Variants in TLN2 observed in about 807,000 individuals in gnomAD.
TLN2 encodes talin 2, also known as talin-2.
In TLN2, 118 loss-of-function variants were observed where a neutral mutation model predicts 294.7. That is an observed-to-expected ratio of 0.40 (90% CI 0.34 to 0.47). The LOEUF (loss-of-function observed/expected upper bound fraction) is 0.47, where lower values mean the gene tolerates loss of function less well. TLN2 is among the 20% of genes least tolerant of loss of function. TLN2 has a pLI of 0.84. For synonymous variants in TLN2, 1,431 were observed against 1,304.5 expected, an observed-to-expected ratio of 1.10 and a Z score of -2.09; for missense variants, 3,083 against 3,282.2, an observed-to-expected ratio of 0.94 and a Z score of 1.48.
intron 28 of TLN2, among the ~76,000 whole-genome samples, chr15:62,731,639 G>C (rs979311060): frequency 6.6e-6 from 1 of 152,118 alleles, no homozygotes; most frequent in Non-Finnish European, 1.5e-5. Flanking sequence ...AGCCCCATGA[G>C]ATATCAAGAA....
intron 58 of TLN2, among the ~76,000 whole-genome samples, chr15:62,839,855 C>A (rs1045567323): frequency 6.6e-6 from 1 of 152,192 alleles, no homozygotes; most frequent in African/African-American, 2.4e-5. Flanking sequence ...ATTCAATAAC[C>A]CTGCCCTGGT....
chr15:62,515,814 A>C (rs1256846059), intron 1 of TLN2, among the ~76,000 whole-genome samples: 1 of 152,208 alleles, frequency 6.6e-6, no homozygotes, highest in Admixed American at 6.5e-5. Flanking sequence ...AGTATAAATA[A>C]ATCCAGCAGA....
chr15:62,712,038 C>G lies in TLN2; in HGVS notation c.2595C>G (p.Leu865=), dbSNP rs764043416. ...NSKKLLAAAK[L]LADSTARMVE... ...AGAAGCTCCTGGCAGCAGCAAAACT[C>G]TTAGCTGACTCCACTGCTCGCATGG... The change falls in exon 22 of 59, where the codon CTC becomes CTG. Residue 865 remains leucine, a synonymous_variant. Transcript: ENST00000636159. 5 of 1,614,212 alleles carry G rather than the reference C, an allele frequency of 3.1e-6. No individual in the cohort carries two copies. The highest frequency in any genetic ancestry group is 4.2e-6 in the Non-Finnish European group (5 of 1,180,030).
intron 1 of TLN2, among the ~76,000 whole-genome samples, chr15:62,550,392 G>C (rs1347506859): frequency 6.6e-6 from 1 of 152,180 alleles, no homozygotes. Flanking sequence ...TTCTTAGTCT[G>C]CAAGTCGGCC....
chr15:62,681,730 G>A (rs1401596999), intron 11 of TLN2, among the ~76,000 whole-genome samples: 2 of 152,076 alleles, frequency 1.3e-5, no homozygotes, highest in African/African-American at 2.4e-5. Flanking sequence ...ACGAGTAAGC[G>A]AGCTAATGTA....
chr15:62,590,876 G>A (rs1446163167), intron 2 of TLN2, among the ~76,000 whole-genome samples: 4 of 151,314 alleles, frequency 2.6e-5, no homozygotes, highest in Non-Finnish European at 5.9e-5. Flanking sequence ...GTTAATCTTT[G>A]TTTCCTTCTC....
At chr15:62,413,415 A>T (rs1000558832) in intron 1 of TLN2, among the ~76,000 whole-genome samples, 1 of 152,184 alleles carries the variant, frequency 6.6e-6, no homozygotes, top group Non-Finnish European at 1.5e-5. Flanking sequence ...AGTGAGTTTT[A>T]TTGCTAGTCC....
intron 32 of TLN2, among the ~76,000 whole-genome samples, chr15:62,744,758 G>T (rs1325786795): frequency 6.6e-6 from 1 of 152,216 alleles, no homozygotes; most frequent in Admixed American, 6.5e-5. Flanking sequence ...TGTTGGCCAG[G>T]CTGGTCTCAA....
intron 9 of TLN2, among the ~76,000 whole-genome samples, chr15:62,663,486 G>T (rs1320190): frequency 0.82 from 125,020 of 151,624 alleles, 54,184 homozygotes; most frequent in East Asian, 0.96. Flanking sequence ...TGAACAAACT[G>T]TCATTAGTTG....
chr15:62,404,830 G>A (rs2033289451), intron 1 of TLN2, among the ~76,000 whole-genome samples: 1 of 152,110 alleles, frequency 6.6e-6, no homozygotes. Context: ...CTCCCTGATG[G>A]AGTTAAAGGA....
intron 1 of TLN2, among the ~76,000 whole-genome samples, chr15:62,460,616 G>A (rs1306945179): frequency 6.6e-6 from 1 of 152,144 alleles, no homozygotes; most frequent in East Asian, 1.9e-4. Context: ...CTCATCCAAG[G>A]GAAGCTCTAT....
At chr15:62,597,785 A>G (rs181055323) in intron 2 of TLN2, among the ~76,000 whole-genome samples, 1 of 152,286 alleles carries the variant, frequency 6.6e-6, no homozygotes, top group Non-Finnish European at 1.5e-5. Flanking sequence ...CATGAAGTTT[A>G]TTTATGTTTT....
intron 1 of TLN2, among the ~76,000 whole-genome samples, chr15:62,450,960 G>C (rs2036102457): frequency 6.7e-6 from 1 of 148,544 alleles, no homozygotes; most frequent in South Asian, 2.1e-4. Context: ...CTTTACAGTT[G>C]CCTGGAGTTC....
rs187235544 is a variant in TLN2, at chr15:62,459,635, T to A, written c.-238+68950T>A. Among the ~76,000 whole-genome samples, 26 of 152,264 alleles carry A rather than the reference T, an allele frequency of 1.7e-4. No individual in the cohort carries two copies. In the East Asian group the frequency reaches 3.1e-3, roughly 18 times the overall value. On this transcript the variant is annotated intron_variant, in intron 1 of 58. Coordinates refer to ENST00000636159, the MANE Select transcript of TLN2 (RefSeq NM_015059.3). ...CAGGTTGACAACATCCAACCAACAC[T>A]TGTTTGGGCCCTTTAGTGCAAAAGA...
chr15:62,738,399 C>G (rs913464951), intron 30 of TLN2, 66 bp downstream of exon 30: 2 of 1,546,966 alleles, frequency 1.3e-6, no homozygotes, highest in Admixed American at 1.8e-5. Context: ...TGAGTGAAGT[C>G]TTCTTCTCTC....
intron 45 of TLN2, among the ~76,000 whole-genome samples, chr15:62,785,936 G>T (rs1184422534): frequency 1.9e-4 from 29 of 152,170 alleles, no homozygotes; most frequent in Admixed American, 1.9e-3. Context: ...CACAACAACA[G>T]GTTACTTTGG....
At chr15:62,492,543 CAAAAAAAAAAAAAAAAAG>C (rs2038799732) in intron 1 of TLN2, among the ~76,000 whole-genome samples, 1 of 84,648 alleles carries the variant, frequency 1.2e-5, no homozygotes, top group Non-Finnish European at 2.6e-5. Context: ...GACTCTGTCT[CAAAAAAAAAAAAAAAAAG>C]AAAAAAAGAA....
intron 1 of TLN2, among the ~76,000 whole-genome samples, chr15:62,416,283 C>T (rs1436549837): frequency 6.6e-6 from 1 of 152,236 alleles, no homozygotes; most frequent in East Asian, 1.9e-4. Flanking sequence ...GGTAACAGAG[C>T]AAGACTCTAT....
At chr15:62,685,295 T>C (rs2057186469) in intron 11 of TLN2, among the ~76,000 whole-genome samples, 3 of 152,180 alleles carry the variant, frequency 2.0e-5, no homozygotes, top group African/African-American at 7.2e-5. Context: ...TAATCTGTTA[T>C]CTGGATATAT....
Sources: allele counts gnomAD v4.1 joint callset (sites outside exome capture counted in the v4.1 genomes callset), GRCh38; gene constraint gnomAD v4.1.1; transcripts MANE v1.5; gene names NCBI Gene and HGNC (gene_info 2026-07-23, HGNC 2026-07-21).